BCAS3: variants seen among roughly 807,000 people sequenced by gnomAD.
BCAS3 encodes the protein BCAS4/BCAS3 fusion.
In BCAS3, 53 loss-of-function variants were observed where a neutral mutation model predicts 116.1. That is an observed-to-expected ratio of 0.46 (90% CI 0.37 to 0.57). BCAS3 has a LOEUF of 0.57. Ranked by LOEUF, BCAS3 falls within the 20% of genes least tolerant of loss-of-function variation. The probability of loss-of-function intolerance (pLI) is 0.00; values close to 1 mark genes in which losing one functional copy is unlikely to be tolerated. For missense variants in BCAS3, 917 were observed against 1,165.4 expected (o/e 0.79, Z 3.10); for synonymous variants, 391 against 408.2 (o/e 0.96, Z 0.51).
chr17:60,869,425 C>A (rs1183456774), intron 8 of BCAS3, among the ~76,000 whole-genome samples: 1 of 152,064 alleles, frequency 6.6e-6, no homozygotes, highest in Admixed American at 6.6e-5. Context: ...AAGCAAAACA[C>A]CTGAAATATA....
intron 7 of BCAS3, among the ~76,000 whole-genome samples, chr17:60,842,941 A>G (rs2144767825): frequency 6.7e-6 from 1 of 150,308 alleles, no homozygotes; most frequent in East Asian, 2.0e-4. Context: ...GCCCAATTAT[A>G]GCTCATTGCA....
At chr17:60,731,186 G>C (rs557541367) in intron 5 of BCAS3, among the ~76,000 whole-genome samples, 4 of 152,058 alleles carry the variant, frequency 2.6e-5, no homozygotes, top group Non-Finnish European at 5.9e-5. Flanking sequence ...TTAGCAAATT[G>C]ATAACTATAC....
rs544595760 is a variant in BCAS3 at position 60,926,506 on chromosome 17, G to A, written c.1087+2006G>A. Among the ~76,000 whole-genome samples, 3 of 152,192 alleles carry A rather than the reference G, an allele frequency of 2.0e-5. No individual in the cohort carries two copies. In the East Asian group the frequency reaches 5.8e-4, roughly 29 times the overall value. On this transcript the variant is annotated intron_variant, in intron 13 of 23. Transcript: ENST00000407086. ...TAAGTCATCTTTGATTAAGGGAACA[G>A]GATTTTTATAGTGATTGGTAATCAG...
Position 60,961,106 on chromosome 17 carries a change from A to C in BCAS3, c.1221+13754A>C, listed in dbSNP as rs1284269587. On this transcript the variant is annotated intron_variant, in intron 14 of 23. Transcript: ENST00000407086. This position sits in a 1 kb window ranked among gnomAD's most constrained non-coding sequence, Gnocchi z 4.8. Reference sequence around the variant, plus strand: ...CTCCTTGGTAGGATATTCAAATACCAGAAGATCCAAAGGAAGTATTATTGA... The same window carrying C: ...CTCCTTGGTAGGATATTCAAATACCCGAAGATCCAAAGGAAGTATTATTGA... Among the ~76,000 whole-genome samples, 3 of 152,186 alleles carry C rather than the reference A, an allele frequency of 2.0e-5. No homozygotes were observed. The highest frequency in any genetic ancestry group is 4.4e-5 in the Non-Finnish European group (3 of 68,028).
intron 22 of BCAS3, among the ~76,000 whole-genome samples, chr17:61,093,679 G>A (rs1043652343): frequency 2.0e-5 from 3 of 152,120 alleles, no homozygotes; most frequent in Non-Finnish European, 4.4e-5. Context: ...AAAAAGATAC[G>A]CCTTTCCTAT....
chr17:60,769,524 G>T (rs2044444339), intron 6 of BCAS3, among the ~76,000 whole-genome samples: 1 of 152,204 alleles, frequency 6.6e-6, no homozygotes, highest in African/African-American at 2.4e-5. Flanking sequence ...AGCCCCAGGG[G>T]AGTTCAAAGA....
intron 5 of BCAS3, chr17:60,727,350 T>C: frequency 6.7e-7 from 1 of 1,498,548 alleles, no homozygotes; most frequent in Non-Finnish European, 9.3e-7. Context: ...CCATAGCCAC[T>C]CTGCTTCCGA....
In BCAS3 at chr17:61,021,020, T is replaced by C. The variant is rs1055363244; in HGVS notation, c.1637+5119T>C. On this transcript the variant is annotated intron_variant, in intron 16 of 23. Coordinates refer to ENST00000407086, the MANE Select transcript of BCAS3 (RefSeq NM_017679.5). The surrounding 1 kb of genome is among the most constrained non-coding windows in gnomAD (Gnocchi z 4.6). Reference sequence around the variant, plus strand: ...TTAAATGGAAGTAGCTCCTCATTTCTTTCCCCCTCCCCATCTTTATATTTA... The same window carrying C: ...TTAAATGGAAGTAGCTCCTCATTTCCTTCCCCCTCCCCATCTTTATATTTA... Among the ~76,000 whole-genome samples, 1 of 152,130 alleles carries C rather than the reference T, an allele frequency of 6.6e-6. No homozygotes were observed. Among genetic ancestry groups the C allele is most frequent in the Non-Finnish European group, 1.5e-5 (1 of 68,026 alleles).
At position 61,074,987 on chromosome 17, in the gene BCAS3, T is replaced by C. The variant is rs773444574; in HGVS notation, c.2097T>C (p.His699=). 7 of 1,613,316 alleles carry C rather than the reference T, an allele frequency of 4.3e-6. No individual in the cohort carries two copies. In the Admixed American group the frequency reaches 1.0e-4, roughly 23 times the overall value. ...HGSYDSLASD[H]SGQEDEEWLS... The stretch of plus-strand genomic sequence containing the variant: ...CTTACGACAGTTTAGCTTCTGACCA[T>C]AGTGGACAGGAAGATGAAGAATGGC... Residue 699 remains histidine, a synonymous_variant, in exon 20 of 24, where the codon CAT becomes CAC. Transcript: ENST00000407086.
At chr17:60,986,623 G>T (rs921296036) in intron 14 of BCAS3, among the ~76,000 whole-genome samples, 1 of 151,942 alleles carries the variant, frequency 6.6e-6, no homozygotes, top group Non-Finnish European at 1.5e-5. Flanking sequence ...TTGTATACTT[G>T]TTTGCCATTT....
intron 22 of BCAS3, among the ~76,000 whole-genome samples, chr17:61,236,909 C>T (rs1369362607): frequency 1.3e-5 from 2 of 152,002 alleles, no homozygotes; most frequent in African/African-American, 4.8e-5. Flanking sequence ...AAAGTTGGAT[C>T]CTGGATGTGA....
chr17:60,842,202 C>G (rs565759736), intron 7 of BCAS3, among the ~76,000 whole-genome samples: 64 of 152,160 alleles, frequency 4.2e-4, no homozygotes, highest in Admixed American at 2.6e-3. Flanking sequence ...TAATATGACT[C>G]AACAAAAGTA....
intron 16 of BCAS3, among the ~76,000 whole-genome samples, chr17:61,018,142 G>GCA (rs2065596356): frequency 6.6e-6 from 1 of 151,730 alleles, no homozygotes; most frequent in Non-Finnish European, 1.5e-5. Context: ...TTCTTTTTTA[G>GCA]CAAGCCTTGT....
rs563923994 is a variant in BCAS3, at chr17:61,077,982, G to A, written c.2131-351G>A. On this transcript the variant is annotated intron_variant, in intron 20 of 23. Coordinates refer to ENST00000407086, the MANE Select transcript of BCAS3 (RefSeq NM_017679.5). This position sits in a 1 kb window ranked among gnomAD's most constrained non-coding sequence, Gnocchi z 4.3. ...AAGTACTGTCTAGAATGAATGAAAA[G>A]GTAGACCCTACGGAGCTGACACTAG... Among the ~76,000 whole-genome samples, 1 of 152,274 alleles carries A rather than the reference G, an allele frequency of 6.6e-6. No homozygotes were observed.
intron 22 of BCAS3, among the ~76,000 whole-genome samples, chr17:61,085,072 A>G (rs2072971256): frequency 2.6e-5 from 4 of 152,210 alleles, no homozygotes; most frequent in African/African-American, 9.6e-5. Context: ...ATCCTTGGAA[A>G]CAAGCTATGA....
chr17:61,234,783 GAAA>G (rs71148395), intron 22 of BCAS3, among the ~76,000 whole-genome samples: 90,235 of 143,300 alleles, frequency 0.63, 31,596 homozygotes, highest in East Asian at 0.94. Flanking sequence ...GCTTTTTCCA[GAAA>G]AAAAAAAAAA....
At chr17:60,698,883 C>CAA (rs2035999649) in intron 4 of BCAS3, among the ~76,000 whole-genome samples, 1 of 152,084 alleles carries the variant, frequency 6.6e-6, no homozygotes, top group Non-Finnish European at 1.5e-5. Context: ...TGGTGAAACC[C>CAA]CATCTTTACT....
intron 22 of BCAS3, among the ~76,000 whole-genome samples, chr17:61,266,901 A>C (rs1378044733): frequency 1.3e-5 from 2 of 152,224 alleles, no homozygotes; most frequent in Non-Finnish European, 2.9e-5. Flanking sequence ...TCACACACGC[A>C]CATTCATCCA....
At chr17:60,800,651 TG>T (rs1259931294) in intron 6 of BCAS3, among the ~76,000 whole-genome samples, 2 of 152,220 alleles carry the variant, frequency 1.3e-5, no homozygotes, top group Admixed American at 6.5e-5. Flanking sequence ...TTTAGTATCT[TG>T]TGTGGGACTT....
Sources: allele counts gnomAD v4.1 joint callset (sites outside exome capture counted in the v4.1 genomes callset), GRCh38; gene constraint gnomAD v4.1.1; non-coding constraint Gnocchi (gnomAD v3.1); transcripts MANE v1.5; gene names NCBI Gene and HGNC (gene_info 2026-07-23, HGNC 2026-07-21).